Variants in MAGI1 observed in about 807,000 individuals in gnomAD.
The protein encoded by MAGI1 is membrane associated guanylate kinase, WW and PDZ domain containing 1, also known as membrane-associated guanylate kinase, WW and PDZ domain-containing protein 1.
A neutral mutation model predicts 139.9 loss-of-function variants in MAGI1; 58 were observed. The ratio of observed to expected loss-of-function variants is 0.41; its 90% CI spans 0.34 to 0.52. The LOEUF is 0.52. Ranked by LOEUF, MAGI1 falls within the 20% of genes least tolerant of loss-of-function variation. MAGI1 has a pLI of 0.12. For missense variants in MAGI1, 1,874 were observed against 1,901.6 expected (o/e 0.99, Z 0.27); for synonymous variants, 812 against 737.9 (o/e 1.10, Z -1.63).
intron 1 of MAGI1, among the ~76,000 whole-genome samples, chr3:65,893,233 T>C (rs2060836668): frequency 6.6e-6 from 1 of 151,846 alleles, no homozygotes; most frequent in Non-Finnish European, 1.5e-5. Context: ...TAGTCCTCTT[T>C]CTACCAAGCA....
intron 2 of MAGI1, among the ~76,000 whole-genome samples, chr3:65,610,742 G>GTATATACTATATACTATATACTATATA (rs11276480): frequency 8.2e-6 from 1 of 121,318 alleles, no homozygotes; most frequent in Admixed American, 8.7e-5. Flanking sequence ...ATAGTATATA[G>GTATATACTATATACTATATACTATATA]TATATATACA....
At chr3:65,857,324 C>T (rs2059407089) in intron 1 of MAGI1, among the ~76,000 whole-genome samples, 1 of 152,208 alleles carries the variant, frequency 6.6e-6, no homozygotes, top group Non-Finnish European at 1.5e-5. Flanking sequence ...CCAAGTAATG[C>T]TGCAGAGATG....
intron 1 of MAGI1, among the ~76,000 whole-genome samples, chr3:65,991,684 A>G (rs565353123): frequency 6.6e-6 from 1 of 152,162 alleles, no homozygotes; most frequent in Non-Finnish European, 1.5e-5. Context: ...TTTCTTGCTT[A>G]GACTCTTCCC....
intron 1 of MAGI1, among the ~76,000 whole-genome samples, chr3:65,737,186 G>A (rs1290470440): frequency 6.6e-6 from 1 of 152,072 alleles, no homozygotes; most frequent in African/African-American, 2.4e-5. Context: ...TGTATTTTTA[G>A]TAGAGACGGG....
chr3:65,808,492 T>G (rs1300222831), intron 1 of MAGI1, among the ~76,000 whole-genome samples: 4 of 152,070 alleles, frequency 2.6e-5, no homozygotes, highest in African/African-American at 9.7e-5. Flanking sequence ...AGCAAGACTC[T>G]GTCTCAAAAA....
intron 1 of MAGI1, among the ~76,000 whole-genome samples, chr3:65,805,667 G>A (rs2040807635): frequency 6.6e-6 from 1 of 152,150 alleles, no homozygotes; most frequent in African/African-American, 2.4e-5. Flanking sequence ...ATTCACAATA[G>A]CAAAGACATG....
At chr3:65,419,227 C>CACACACACACACACACACACACAT (rs1357819673) in intron 12 of MAGI1, among the ~76,000 whole-genome samples, 5 of 142,578 alleles carry the variant, frequency 3.5e-5, no homozygotes, top group African/African-American at 1.3e-4. Flanking sequence ...TTCATACACA[C>CACACACACACACACACACACACAT]ACACACACAC....
chr3:65,721,563 G>T (rs2033025911), intron 1 of MAGI1, among the ~76,000 whole-genome samples: 1 of 152,182 alleles, frequency 6.6e-6, no homozygotes, highest in Non-Finnish European at 1.5e-5. Flanking sequence ...TATTTTGGTA[G>T]ACAAAACTTA....
intron 13 of MAGI1, among the ~76,000 whole-genome samples, chr3:65,392,039 A>G (rs1254482895): frequency 6.6e-6 from 1 of 152,188 alleles, no homozygotes; most frequent in African/African-American, 2.4e-5. Flanking sequence ...TTGGTTGAAA[A>G]CCAAGATCAA....
At chr3:65,765,513 T>C (rs1424326538) in intron 1 of MAGI1, among the ~76,000 whole-genome samples, 2 of 152,190 alleles carry the variant, frequency 1.3e-5, no homozygotes, top group Non-Finnish European at 2.9e-5. Context: ...ATTGAAGTCA[T>C]TTATCCAAAG....
intron 1 of MAGI1, among the ~76,000 whole-genome samples, chr3:65,732,625 C>A (rs923154808): frequency 6.6e-6 from 1 of 152,160 alleles, no homozygotes; most frequent in African/African-American, 2.4e-5. Flanking sequence ...AATGAGGATT[C>A]CTTCAATATA....
chr3:65,630,919 G>A (rs1576538124), intron 1 of MAGI1, among the ~76,000 whole-genome samples: 1 of 152,380 alleles, frequency 6.6e-6, no homozygotes, highest in East Asian at 1.9e-4. Context: ...TGCAGGCCAT[G>A]ATAAAGAGCT....
intron 1 of MAGI1, among the ~76,000 whole-genome samples, chr3:65,823,839 T>A (rs992492354): frequency 6.6e-6 from 1 of 152,212 alleles, no homozygotes; most frequent in African/African-American, 2.4e-5. Context: ...CTTCCATTTT[T>A]AACGATGGAC....
intron 20 of MAGI1, among the ~76,000 whole-genome samples, chr3:65,364,251 T>C (rs1020475626): frequency 2.6e-5 from 4 of 151,966 alleles, no homozygotes; most frequent in Non-Finnish European, 4.4e-5. Context: ...CCTGCTAGTA[T>C]TTTCACACTC....
chr3:65,915,397 C>A (rs1302402878), intron 1 of MAGI1, among the ~76,000 whole-genome samples: 5 of 152,248 alleles, frequency 3.3e-5, no homozygotes. Context: ...CATTTGCCCT[C>A]TAAAATTCAC....
At chr3:65,492,826 C>G (rs1379857403) in intron 3 of MAGI1, among the ~76,000 whole-genome samples, 1 of 152,106 alleles carries the variant, frequency 6.6e-6, no homozygotes, top group Non-Finnish European at 1.5e-5. Flanking sequence ...TTCCTGTAAT[C>G]CCAGCACTTT....
At chr3:65,477,716 T>TA (rs1950982021) in intron 4 of MAGI1, among the ~76,000 whole-genome samples, 1 of 146,446 alleles carries the variant, frequency 6.8e-6, no homozygotes, top group Non-Finnish European at 1.5e-5. Context: ...TTATTATTTT[T>TA]TTTTTTTTAT....
intron 2 of MAGI1, among the ~76,000 whole-genome samples, chr3:65,581,917 G>GA (rs2081442865): frequency 6.6e-6 from 1 of 151,978 alleles, no homozygotes; most frequent in Non-Finnish European, 1.5e-5. Context: ...CTGACACTTA[G>GA]AAAAGTGCCA....
intron 1 of MAGI1, chr3:65,844,434 G>A: frequency 1.2e-5 from 4 of 338,204 alleles, no homozygotes; most frequent in East Asian, 8.8e-5. Context: ...AAAAACGTAT[G>A]GCACAAGAAT....
Sources: allele counts gnomAD v4.1 joint callset (sites outside exome capture counted in the v4.1 genomes callset), GRCh38; gene constraint gnomAD v4.1.1; transcripts MANE v1.5; gene names NCBI Gene and HGNC (gene_info 2026-07-23, HGNC 2026-07-21).